CEP112: variants seen among roughly 807,000 people sequenced by gnomAD.
CEP112 encodes the protein centrosomal protein 112.
In CEP112, 127 loss-of-function variants were observed where a neutral mutation model predicts 153.0. The observed-to-expected ratio is 0.83, with a 90% CI of 0.72 to 0.96. The LOEUF is 0.96. Among genes scored for constraint, CEP112 ranks in the 40% least tolerant of loss-of-function variants. CEP112 has a pLI of 0.00. For synonymous variants in CEP112, 358 were observed against 374.4 expected, an observed-to-expected ratio of 0.96 and a Z score of 0.51; for missense variants, 1,089 against 1,101.2, an observed-to-expected ratio of 0.99 and a Z score of 0.16.
intron 5 of CEP112, among the ~76,000 whole-genome samples, chr17:66,130,666 C>G (rs2070106866): frequency 6.6e-6 from 1 of 151,236 alleles, no homozygotes; most frequent in African/African-American, 2.4e-5. Flanking sequence ...ATCCCAGCTA[C>G]TCGGGACGCT....
chr17:65,800,176 G>A (rs1232885468), intron 21 of CEP112, among the ~76,000 whole-genome samples: 1 of 151,606 alleles, frequency 6.6e-6, no homozygotes, highest in African/African-American at 2.4e-5. Context: ...CATTTTAATG[G>A]TTTTTACTGT....
At chr17:65,759,079 G>A (rs535387723) in intron 21 of CEP112, among the ~76,000 whole-genome samples, 9 of 152,274 alleles carry the variant, frequency 5.9e-5, no homozygotes, top group African/African-American at 2.2e-4. Flanking sequence ...CCAAGATGGT[G>A]ATAAGAGTGA....
At chr17:65,953,896 C>T (rs140487086) in intron 18 of CEP112, among the ~76,000 whole-genome samples, 17 of 152,252 alleles carry the variant, frequency 1.1e-4, no homozygotes, top group African/African-American at 3.9e-4. Flanking sequence ...AGACAAAAAT[C>T]GTAATCTTTT....
At chr17:65,848,626 G>C (rs767587217) in intron 21 of CEP112, among the ~76,000 whole-genome samples, 29 of 152,060 alleles carry the variant, frequency 1.9e-4, no homozygotes, top group Non-Finnish European at 3.4e-4. Context: ...TTCTCTGTGG[G>C]TGATTCCCAC....
chr17:65,801,258 C>T (rs2055256724), intron 21 of CEP112, among the ~76,000 whole-genome samples: 1 of 152,090 alleles, frequency 6.6e-6, no homozygotes, highest in African/African-American at 2.4e-5. Flanking sequence ...GGGGTTTCAC[C>T]ATGTTTCCTA....
chr17:65,864,913 A>AGT (rs6146121), intron 20 of CEP112, among the ~76,000 whole-genome samples: 276 of 144,568 alleles, frequency 1.9e-3, no homozygotes, highest in Middle Eastern at 3.5e-3. Flanking sequence ...GGGGTAAGCA[A>AGT]GTGTGTGTGT....
At chr17:65,989,973 T>G (rs2145236035) in intron 17 of CEP112, among the ~76,000 whole-genome samples, 2 of 152,274 alleles carry the variant, frequency 1.3e-5, no homozygotes, top group Middle Eastern at 6.8e-3. Flanking sequence ...TTGTTATCGC[T>G]ATAAAATGCT....
intron 23 of CEP112, among the ~76,000 whole-genome samples, chr17:65,704,615 T>C (rs937730680): frequency 4.6e-5 from 7 of 152,200 alleles, no homozygotes; most frequent in Non-Finnish European, 1.0e-4. Context: ...TACATGGTCG[T>C]ATCAGATCAT....
chr17:65,724,140 G>A (rs190876609), intron 23 of CEP112, among the ~76,000 whole-genome samples: 17 of 151,970 alleles, frequency 1.1e-4, no homozygotes, highest in Middle Eastern at 3.4e-3. Flanking sequence ...CAACCATCCC[G>A]GCCTTCTTGC....
At chr17:65,735,688 T>C (rs1263729323) in intron 23 of CEP112, among the ~76,000 whole-genome samples, 1 of 152,208 alleles carries the variant, frequency 6.6e-6, no homozygotes, top group African/African-American at 2.4e-5. Flanking sequence ...TGACTAGTCA[T>C]ATGGTTTCAT....
chr17:66,158,878 A>G (rs2071568430), intron 4 of CEP112, among the ~76,000 whole-genome samples: 1 of 152,180 alleles, frequency 6.6e-6, no homozygotes, highest in Non-Finnish European at 1.5e-5. Context: ...AGATAGAGAC[A>G]TAAAAAACCC....
intron 24 of CEP112, among the ~76,000 whole-genome samples, chr17:65,674,851 G>A (rs2047149882): frequency 6.6e-6 from 1 of 152,090 alleles, no homozygotes; most frequent in Admixed American, 6.6e-5. Context: ...AAGACAACAT[G>A]CCAAGAGAAA....
intron 21 of CEP112, among the ~76,000 whole-genome samples, chr17:65,796,598 T>C (rs1280513575): frequency 6.6e-6 from 1 of 152,180 alleles, no homozygotes; most frequent in Non-Finnish European, 1.5e-5. Context: ...TGCAGTGAGC[T>C]CTGATTGACC....
At chr17:65,639,341 A>T (rs997567174) in intron 25 of CEP112, among the ~76,000 whole-genome samples, 1 of 152,154 alleles carries the variant, frequency 6.6e-6, no homozygotes, top group Admixed American at 6.6e-5. Context: ...TGATACAGGG[A>T]GTAAATAAAT....
intron 8 of CEP112, among the ~76,000 whole-genome samples, chr17:66,082,501 T>C (rs2067760766): frequency 6.6e-6 from 1 of 152,220 alleles, no homozygotes; most frequent in Non-Finnish European, 1.5e-5. Context: ...CGGTGCCTCA[T>C]GCCTATAATC....
Position 66,171,692 on chromosome 17 carries a change from T to C in CEP112, c.470+3352A>G, listed in dbSNP as rs73353897. Among the ~76,000 whole-genome samples the C allele has an allele frequency of 6.8e-3, 1,039 of 152,326 alleles. 13 individuals carry two copies. The highest frequency in any genetic ancestry group is 0.024 in the African/African-American group (987 of 41,578). ...TGGCTTTAGCTAAAGTAAATGTTAGTTTTATTTTTAAATGTCTTCATGTAT... is the reference window on the plus strand; with the variant it reads ...TGGCTTTAGCTAAAGTAAATGTTAGCTTTATTTTTAAATGTCTTCATGTAT... On this transcript the variant is annotated intron_variant, in intron 4 of 26. Transcript: ENST00000535342.
At chr17:65,657,103 G>A (rs2046101615) in intron 24 of CEP112, among the ~76,000 whole-genome samples, 1 of 152,190 alleles carries the variant, frequency 6.6e-6, no homozygotes, top group Admixed American at 6.5e-5. Flanking sequence ...CCCCGAAGGA[G>A]GGGAGTTGGT....
chr17:65,791,972 C>G (rs2054613771), intron 21 of CEP112, among the ~76,000 whole-genome samples: 1 of 152,182 alleles, frequency 6.6e-6, no homozygotes, highest in Non-Finnish European at 1.5e-5. Context: ...TTGGAATTAA[C>G]TTCTCTGAAC....
chr17:66,141,185 G>C (rs1359888662), intron 4 of CEP112, among the ~76,000 whole-genome samples: 2 of 149,382 alleles, frequency 1.3e-5, no homozygotes, highest in Non-Finnish European at 2.9e-5. Context: ...TCACTGATTT[G>C]ATTTTCTGTA....
Sources: allele counts gnomAD v4.1 joint callset (sites outside exome capture counted in the v4.1 genomes callset), GRCh38; gene constraint gnomAD v4.1.1; transcripts MANE v1.5; gene names NCBI Gene and HGNC (gene_info 2026-07-23, HGNC 2026-07-21).